The following LGR6 variants were observed in gnomAD, a reference collection of about 807,000 sequenced individuals.
LGR6 encodes leucine-rich repeat-containing G protein-coupled receptor 6.
In LGR6, 45 loss-of-function variants were observed where a neutral mutation model predicts 69.4. The ratio of observed to expected loss-of-function variants is 0.65; its 90% CI spans 0.51 to 0.83. LGR6 has a LOEUF of 0.83. LGR6 is among the 40% of genes least tolerant of loss of function. The probability of loss-of-function intolerance (pLI) is 0.00; values close to 1 mark genes in which losing one functional copy is unlikely to be tolerated. For synonymous variants in LGR6, 538 were observed against 555.0 expected (o/e 0.97, Z 0.43); for missense variants, 1,108 against 1,246.7 (o/e 0.89, Z 1.68).
At chr1:202,297,665 C>A in intron 7 of LGR6, 89 bp downstream of exon 7, 1 of 1,005,958 alleles carries the variant, frequency 9.9e-7, no homozygotes, top group Admixed American at 2.1e-5. Flanking sequence ...CTCTTACCTC[C>A]TCACCTCCCA....
At chr1:202,239,332 TTGTGTGTGTGTGGTG>T (rs1661939701) in intron 4 of LGR6, among the ~76,000 whole-genome samples, 1 of 139,634 alleles carries the variant, frequency 7.2e-6, no homozygotes, top group African/African-American at 2.8e-5. Context: ...CTGGCTGAAC[TTGTGTGTGTGTGGTG>T]TGTGTGTGTG....
intron 1 of LGR6, among the ~76,000 whole-genome samples, chr1:202,197,890 A>G (rs1474712113): frequency 6.6e-6 from 1 of 152,222 alleles, no homozygotes; most frequent in African/African-American, 2.4e-5. Context: ...GTCAGTAAAC[A>G]GATGGTGCCA....
At chr1:202,278,848 A>G (rs1394585851) in intron 5 of LGR6, among the ~76,000 whole-genome samples, 1 of 152,194 alleles carries the variant, frequency 6.6e-6, no homozygotes, top group Non-Finnish European at 1.5e-5. Context: ...GCTCTGCCAC[A>G]TGTGGAATCT....
intron 6 of LGR6, among the ~76,000 whole-genome samples, chr1:202,295,418 C>A (rs1428241946): frequency 4.6e-5 from 7 of 151,620 alleles, no homozygotes; most frequent in African/African-American, 4.9e-5. Flanking sequence ...ATGGAGAATT[C>A]CTGATTGAGC....
At chr1:202,266,690 C>T (rs981939850) in intron 4 of LGR6, among the ~76,000 whole-genome samples, 3 of 152,158 alleles carry the variant, frequency 2.0e-5, no homozygotes, top group Non-Finnish European at 2.9e-5. Context: ...CCTCTGCACA[C>T]ACCCTTCTTT....
chr1:202,287,042 AG>A (rs1423369743), intron 6 of LGR6, among the ~76,000 whole-genome samples: 1 of 152,132 alleles, frequency 6.6e-6, no homozygotes, highest in Non-Finnish European at 1.5e-5. Flanking sequence ...AGAGAGGTTA[AG>A]GGGGGTGGGA....
At chr1:202,214,412 A>T (rs1033804960) in intron 1 of LGR6, among the ~76,000 whole-genome samples, 14 of 147,762 alleles carry the variant, frequency 9.5e-5, no homozygotes, top group Non-Finnish European at 2.1e-4. Flanking sequence ...CCTTTCAGCC[A>T]TGGAGCGGGC....
intron 1 of LGR6, among the ~76,000 whole-genome samples, chr1:202,207,212 C>T (rs983309168): frequency 1.3e-4 from 20 of 152,248 alleles, no homozygotes; most frequent in African/African-American, 4.1e-4. Flanking sequence ...CCACTGTGCC[C>T]GGCCGGTCCT....
intron 3 of LGR6, among the ~76,000 whole-genome samples, chr1:202,229,157 A>G (rs945068063): frequency 6.6e-6 from 1 of 152,104 alleles, no homozygotes; most frequent in Non-Finnish European, 1.5e-5. Context: ...CTCCACATCT[A>G]AGCACTTTCT....
intron 4 of LGR6, among the ~76,000 whole-genome samples, chr1:202,254,874 A>T (rs1663625723): frequency 6.6e-6 from 1 of 150,506 alleles, no homozygotes; most frequent in Admixed American, 6.7e-5. Flanking sequence ...CTGGGGCTGT[A>T]ACAATAGTTG....
At chr1:202,287,944 A>G (rs138198242) in intron 6 of LGR6, among the ~76,000 whole-genome samples, 1,558 of 152,220 alleles carry the variant, frequency 0.01, 26 homozygotes, top group African/African-American at 0.035. Flanking sequence ...TTTAATATAC[A>G]AATCAGGTCA....
chr1:202,205,559 ACCT>A (rs1161601138), intron 1 of LGR6, among the ~76,000 whole-genome samples: 1 of 136,616 alleles, frequency 7.3e-6, no homozygotes, highest in Admixed American at 7.5e-5. Flanking sequence ...ACATATGCAC[ACCT>A]CCTTCAAACA....
At chr1:202,196,527 C>T (rs1658647064) in intron 1 of LGR6, among the ~76,000 whole-genome samples, 1 of 152,302 alleles carries the variant, frequency 6.6e-6, no homozygotes, top group South Asian at 2.1e-4. Context: ...GCCACTCAAA[C>T]TTTGGTTCCT....
intron 5 of LGR6, among the ~76,000 whole-genome samples, chr1:202,280,483 C>T (rs1389624490): frequency 6.6e-6 from 1 of 152,184 alleles, no homozygotes; most frequent in Non-Finnish European, 1.5e-5. Context: ...TGACATCAGA[C>T]CTGTCTTCTA....
At chr1:202,270,810 C>G (rs1260592299) in intron 4 of LGR6, among the ~76,000 whole-genome samples, 1 of 152,228 alleles carries the variant, frequency 6.6e-6, no homozygotes, top group Non-Finnish European at 1.5e-5. Context: ...ATGTCCCCAT[C>G]TCCCTGGGAT....
At chr1:202,270,862 A>G (rs1279999221) in intron 4 of LGR6, among the ~76,000 whole-genome samples, 1 of 152,016 alleles carries the variant, frequency 6.6e-6, no homozygotes, top group Non-Finnish European at 1.5e-5. Flanking sequence ...GCCCCTTGGG[A>G]CTTGGAGGGA....
At chr1:202,207,681 T>G (rs1367762477) in intron 1 of LGR6, among the ~76,000 whole-genome samples, 1 of 152,164 alleles carries the variant, frequency 6.6e-6, no homozygotes, top group African/African-American at 2.4e-5. Flanking sequence ...TGGCTCTGCC[T>G]TTTACCAATC....
At chr1:202,289,171 G>A (rs1666610897) in intron 6 of LGR6, among the ~76,000 whole-genome samples, 1 of 152,244 alleles carries the variant, frequency 6.6e-6, no homozygotes, top group Admixed American at 6.5e-5. Context: ...CAGCTGACAG[G>A]ATGAGGGCCA....
chr1:202,220,244 A>C (rs1660057985), intron 1 of LGR6, among the ~76,000 whole-genome samples: 1 of 148,548 alleles, frequency 6.7e-6, no homozygotes, highest in Non-Finnish European at 1.5e-5. Flanking sequence ...TTGAGACAGA[A>C]TCTCATTCTG....
Sources: gnomAD v4.1 joint callset for allele counts (sites outside exome capture counted in the v4.1 genomes callset) on GRCh38, gnomAD v4.1.1 for gene constraint, MANE v1.5 for transcripts, NCBI Gene and HGNC (gene_info 2026-07-23, HGNC 2026-07-21) for gene names.